Variants in OR13G1 observed in about 807,000 individuals in gnomAD.
OR13G1 encodes olfactory receptor family 13 subfamily G member 1.
For synonymous variants in OR13G1, 128 were observed against 136.2 expected (o/e 0.94, Z 0.42); for missense variants, 369 against 385.7 (o/e 0.96, Z 0.36).
rs919014605 is a variant in OR13G1 at position 247,671,821 on chromosome 1, T to C, written c.*297A>G. 6.1e-6 allele frequency: 2 copies of C among 327,278 alleles called. No homozygotes were observed. The highest frequency in any genetic ancestry group is 4.2e-5 in the African/African-American group (2 of 47,452). The allele number at this position is 327,278 out of a possible 1,614,324, so 20.3% of individuals were successfully genotyped here. ...CATGTATGATGTGCACATGCACATA[T>C]AGGTAAATATTTGTGTATATGCATA... On this transcript the variant is annotated 3_prime_UTR_variant, in exon 2 of 2. Coordinates refer to ENST00000642119, the MANE Select transcript of OR13G1 (RefSeq NM_001005487.2).
intron 1 of OR13G1, among the ~76,000 whole-genome samples, chr1:247,676,831 C>G (rs904652110): frequency 6.6e-6 from 1 of 152,166 alleles, no homozygotes; most frequent in African/African-American, 2.4e-5. Context: ...TCCTGCATAT[C>G]TTCCCTTATA....
At chr1:247,676,052 A>G (rs1029420680) in intron 1 of OR13G1, among the ~76,000 whole-genome samples, 2 of 152,180 alleles carry the variant, frequency 1.3e-5, no homozygotes, top group African/African-American at 4.8e-5. Flanking sequence ...AGTGAAATTT[A>G]GTTTGAATCA....
chr1:247,675,382 A>G lies in OR13G1; in HGVS notation c.-238-2103T>C, dbSNP rs558503765. Among the ~76,000 whole-genome samples, 233 of 152,290 alleles carry G rather than the reference A, an allele frequency of 1.5e-3. 2 individuals carry two copies. The highest frequency in any genetic ancestry group is 2.8e-3 in the Admixed American group (43 of 15,300). ...GAAGAAGGAGATCCCAGTCCCAAGT[A>G]CACAAGGGCAAGTTTCAAAAAATTC... On this transcript the variant is annotated intron_variant, in intron 1 of 1. Coordinates refer to ENST00000642119, the MANE Select transcript of OR13G1 (RefSeq NM_001005487.2).
At chr1:247,678,382 T>C (rs1486829096) in intron 1 of OR13G1, among the ~76,000 whole-genome samples, 1 of 152,182 alleles carries the variant, frequency 6.6e-6, no homozygotes. Flanking sequence ...TAATAAACAA[T>C]ATCGGCACAC....
In OR13G1 at chr1:247,671,905, A is replaced by C. The variant is rs944294912; in HGVS notation, c.*213T>G. On this transcript the variant is annotated 3_prime_UTR_variant, in exon 2 of 2. Transcript: ENST00000642119. ...AAAATGTTGGAATATATATTATGAC[A>C]TATATTTATGTGAGGGTATTGTGCA... 1 of 532,540 alleles carries C rather than the reference A, an allele frequency of 1.9e-6. No individual in the cohort carries two copies. The highest frequency in any genetic ancestry group is 2.9e-5 in the East Asian group (1 of 34,276). The allele number at this position is 532,540 out of a possible 1,614,324, so 33.0% of individuals were successfully genotyped here. A position where few individuals can be genotyped will look rare whatever the true frequency, so the allele number is the denominator to read the frequency against.
rs747474252 is a variant in OR13G1, at chr1:247,672,586, A to G, written c.456T>C (p.Asn152=). Residue 152 remains asparagine, a synonymous_variant, in exon 2 of 2, where the codon AAT becomes AAC. Coordinates refer to ENST00000642119, the MANE Select transcript of OR13G1 (RefSeq NM_001005487.2). ...LSMVMAIAVT[N]SWVHTALIMR... is the part of the protein sequence containing the mutation. ...TGATAAGAGCTGTGTGCACCCAGGA[A>G]TTGGTGACTGCAATAGCCATGACCA... 3 of 1,614,046 alleles carry G rather than the reference A, an allele frequency of 1.9e-6. No individual in the cohort carries two copies. The highest frequency in any genetic ancestry group is 2.2e-5 in the South Asian group (2 of 91,062).
intron 1 of OR13G1, among the ~76,000 whole-genome samples, chr1:247,679,035 T>TA (rs898936526): frequency 2.6e-5 from 4 of 151,344 alleles, no homozygotes; most frequent in African/African-American, 9.7e-5. Flanking sequence ...TTTTTTTTTT[T>TA]AAATTCAACT....
chr1:247,679,186 A>G (rs1659411627), intron 1 of OR13G1, among the ~76,000 whole-genome samples: 1 of 152,124 alleles, frequency 6.6e-6, no homozygotes, highest in Non-Finnish European at 1.5e-5. Flanking sequence ...GAGCATCCTG[A>G]TACAATGAGA....
At chr1:247,677,430 G>C (rs1151665) in intron 1 of OR13G1, among the ~76,000 whole-genome samples, 77,114 of 151,938 alleles carry the variant, frequency 0.51, 19,671 homozygotes, top group Admixed American at 0.61. Context: ...GATGAATTCA[G>C]AGGGAGACAG....
At chr1:247,679,279 T>C (rs3862187) in intron 1 of OR13G1, among the ~76,000 whole-genome samples, 17,135 of 152,192 alleles carry the variant, frequency 0.11, 1,784 homozygotes, top group African/African-American at 0.28. Context: ...CAATTTCTCA[T>C]ACATGTCAAG....
chr1:247,678,383 A>G (rs185649292), intron 1 of OR13G1, among the ~76,000 whole-genome samples: 116 of 152,338 alleles, frequency 7.6e-4, no homozygotes, highest in African/African-American at 2.7e-3. Flanking sequence ...AATAAACAAT[A>G]TCGGCACACG....
chr1:247,674,062 A>T (rs1366344450), intron 1 of OR13G1, among the ~76,000 whole-genome samples: 1 of 152,114 alleles, frequency 6.6e-6, no homozygotes, highest in Non-Finnish European at 1.5e-5. Context: ...TCTAAAAAAG[A>T]TGGGGGTCTC....
rs1309204151 is a variant in OR13G1 at position 247,672,134 on chromosome 1, G to C, written c.908C>G (p.Ala303Gly). Residue 303 changes from alanine (A) to glycine (G), a missense_variant, in exon 2 of 2, where the codon GCA becomes GGA. Transcript: ENST00000642119. ...TTGAAACTACTAGTGTTTCAGAAAT[G>C]CAAACACCTTCCTAATTCCTGCCTG... The part of the protein sequence containing the change: ...EMQAGIRKVF[A>G]FLKH 1 of 1,612,786 alleles carries C rather than the reference G, an allele frequency of 6.2e-7. No homozygotes were observed. The highest frequency in any genetic ancestry group is 1.3e-5 in the African/African-American group (1 of 74,898).
At position 247,672,330 on chromosome 1, in the gene OR13G1, A is replaced by C. The variant is rs1478336538; in HGVS notation, c.712T>G (p.Cys238Gly). Residue 238 changes from cysteine to glycine, a missense_variant, in exon 2 of 2, where the codon TGC becomes GGC. Physicochemically the swap from Cys to Gly is radical, Grantham distance 159. Coordinates refer to ENST00000642119, the MANE Select transcript of OR13G1 (RefSeq NM_001005487.2). ...GTCACCACTGTGAGATGAGATGAGC[A>C]TGTTGAGAAGGCCTTCCTCTTGCCT... ...VEGKRKAFST[C>G]SSHLTVVTLY... 3 of 1,613,938 alleles carry C rather than the reference A, an allele frequency of 1.9e-6. No individual in the cohort carries two copies. Among genetic ancestry groups the C allele is most frequent in the Non-Finnish European group, 2.5e-6 (3 of 1,179,954 alleles).
chr1:247,675,639 T>A (rs1275167350), intron 1 of OR13G1, among the ~76,000 whole-genome samples: 3 of 152,106 alleles, frequency 2.0e-5, no homozygotes, highest in Non-Finnish European at 4.4e-5. Flanking sequence ...TGTGACACAG[T>A]TCACTGTGAG....
chr1:247,672,122 T>C lies in OR13G1; in HGVS notation c.920A>G (p.His307Arg). ...GIRKVFAFLK[H>R] is the part of the protein sequence containing the mutation. ...TGATGTTGCATGTTGAAACTACTAG[T>C]GTTTCAGAAATGCAAACACCTTCCT... is the stretch of plus-strand genomic sequence containing the variant. The change falls in exon 2 of 2, where the codon CAC (histidine) becomes CGC (arginine). Residue 307 changes from histidine to arginine, a missense_variant. His to Arg is a conservative substitution (Grantham distance 29). Coordinates refer to ENST00000642119, the MANE Select transcript of OR13G1 (RefSeq NM_001005487.2). The C allele has an allele frequency of 6.2e-7, 1 of 1,610,088 alleles. No homozygotes were observed. The highest frequency in any genetic ancestry group is 8.5e-7 in the Non-Finnish European group (1 of 1,177,334).
intron 1 of OR13G1, among the ~76,000 whole-genome samples, chr1:247,676,458 T>C (rs1469379366): frequency 6.7e-6 from 1 of 149,412 alleles, no homozygotes; most frequent in Non-Finnish European, 1.5e-5. Context: ...GATAATTCAA[T>C]TAATTCTATA....
intron 1 of OR13G1, among the ~76,000 whole-genome samples, chr1:247,674,450 C>G (rs770400330): frequency 2.6e-5 from 4 of 152,090 alleles, no homozygotes; most frequent in Non-Finnish European, 4.4e-5. Flanking sequence ...GCCTTGTAGC[C>G]TCAATAATTT....
chr1:247,679,415 A>C (rs1200741538), intron 1 of OR13G1, among the ~76,000 whole-genome samples: 1 of 152,020 alleles, frequency 6.6e-6, no homozygotes, highest in Non-Finnish European at 1.5e-5. Context: ...AAATACTTGC[A>C]TCATCAGTAT....
Sources: allele counts gnomAD v4.1 joint callset (sites outside exome capture counted in the v4.1 genomes callset), GRCh38; gene constraint gnomAD v4.1.1; transcripts MANE v1.5; gene names NCBI Gene and HGNC (gene_info 2026-07-23, HGNC 2026-07-21).